Variants in RBFOX1 observed in about 807,000 individuals in gnomAD.
RBFOX1 encodes RNA binding fox-1 homolog 1, also known as RNA binding protein fox-1 homolog 1.
In RBFOX1, 8 loss-of-function variants were observed where a neutral mutation model predicts 57.7. The ratio of observed to expected loss-of-function variants is 0.14; its 90% confidence interval spans 0.08 to 0.25. The LOEUF (loss-of-function observed/expected upper bound fraction) is 0.25. Among genes scored for constraint, RBFOX1 ranks in the 10% least tolerant of loss-of-function variants. The probability of loss-of-function intolerance (pLI) is 1.00; values close to 1 mark genes in which losing one functional copy is unlikely to be tolerated. For synonymous variants in RBFOX1, 326 were observed against 222.4 expected (o/e 1.47, Z -4.15); for missense variants, 611 against 548.5 (o/e 1.11, Z -1.14).
intron 1 of RBFOX1, among the ~76,000 whole-genome samples, chr16:6,150,903 G>T (rs938925469): frequency 2.0e-5 from 3 of 152,156 alleles, no homozygotes; most frequent in Admixed American, 1.3e-4. Context: ...TACATTTTCC[G>T]GCAATTCATT....
intron 4 of RBFOX1, among the ~76,000 whole-genome samples, chr16:5,990,805 C>G (rs565387942): frequency 6.6e-6 from 1 of 152,128 alleles, no homozygotes; most frequent in Non-Finnish European, 1.5e-5. Context: ...GAAAATCCAT[C>G]TCTACTAAAA....
chr16:5,917,848 C>T (rs1294978509), intron 4 of RBFOX1, among the ~76,000 whole-genome samples: 1 of 152,134 alleles, frequency 6.6e-6, no homozygotes, highest in African/African-American at 2.4e-5. Flanking sequence ...CTTCCCATTG[C>T]AGGGTCTAGC....
At chr16:7,327,494 A>G (rs2096626474) in intron 4 of RBFOX1, among the ~76,000 whole-genome samples, 1 of 152,238 alleles carries the variant, frequency 6.6e-6, no homozygotes, top group African/African-American at 2.4e-5. Flanking sequence ...GTATTTTGAA[A>G]TAAACATTGT....
intron 1 of RBFOX1, among the ~76,000 whole-genome samples, chr16:6,255,423 A>G (rs144231896): frequency 3.3e-5 from 5 of 152,208 alleles, no homozygotes; most frequent in African/African-American, 1.2e-4. Context: ...ACAGGAGGAG[A>G]GTGGAGGAAA....
intron 4 of RBFOX1, among the ~76,000 whole-genome samples, chr16:7,355,512 T>A (rs1012529927): frequency 1.3e-5 from 2 of 152,178 alleles, no homozygotes; most frequent in Non-Finnish European, 2.9e-5. Context: ...TAGGTATGTG[T>A]ACAAGGACAC....
intron 1 of RBFOX1, among the ~76,000 whole-genome samples, chr16:5,318,325 T>C (rs1208879390): frequency 2.0e-5 from 3 of 152,002 alleles, no homozygotes; most frequent in Non-Finnish European, 4.4e-5. Context: ...AATGGGGTTT[T>C]GCCATATCGG....
intron 2 of RBFOX1, among the ~76,000 whole-genome samples, chr16:6,354,176 T>G (rs985721507): frequency 6.6e-6 from 1 of 152,032 alleles, no homozygotes; most frequent in Admixed American, 6.6e-5. Context: ...GCCGAGATCA[T>G]GCTAGTGCAC....
intron 3 of RBFOX1, among the ~76,000 whole-genome samples, chr16:5,853,501 C>A (rs2151869140): frequency 6.6e-6 from 1 of 152,264 alleles, no homozygotes; most frequent in South Asian, 2.1e-4. Context: ...ATCGCTGGAC[C>A]ATCCAGCTGC....
chr16:7,664,566 G>A (rs1332692229), intron 12 of RBFOX1, among the ~76,000 whole-genome samples: 2 of 152,072 alleles, frequency 1.3e-5, no homozygotes, highest in African/African-American at 4.8e-5. Context: ...GGGCTATGTG[G>A]TTTGATTGCC....
intron 2 of RBFOX1, among the ~76,000 whole-genome samples, chr16:6,433,342 C>G (rs982377267): frequency 2.6e-5 from 4 of 152,220 alleles, no homozygotes; most frequent in African/African-American, 9.6e-5. Context: ...AATGGAGCCA[C>G]TATTTCAGTT....
At chr16:7,319,379 A>G (rs986216948) in intron 4 of RBFOX1, among the ~76,000 whole-genome samples, 1 of 152,218 alleles carries the variant, frequency 6.6e-6, no homozygotes, top group African/African-American at 2.4e-5. Context: ...AACCAGCTCA[A>G]TAAGTTTACA....
chr16:6,521,135 G>C (rs1269495406), intron 2 of RBFOX1, among the ~76,000 whole-genome samples: 1 of 152,072 alleles, frequency 6.6e-6, no homozygotes, highest in Non-Finnish European at 1.5e-5. Context: ...GCTCAAAATG[G>C]TGTTTTTCTG....
At chr16:6,990,513 G>A (rs1318607208) in intron 3 of RBFOX1, among the ~76,000 whole-genome samples, 3 of 152,022 alleles carry the variant, frequency 2.0e-5, no homozygotes, top group Non-Finnish European at 4.4e-5. Flanking sequence ...CAACAAGAAA[G>A]AAACTCCATC....
intron 2 of RBFOX1, among the ~76,000 whole-genome samples, chr16:6,520,454 C>T (rs1159050763): frequency 6.6e-6 from 1 of 151,982 alleles, no homozygotes; most frequent in Admixed American, 6.6e-5. Flanking sequence ...GTCTGAAGGG[C>T]CTCATTTAAC....
chr16:6,759,351 G>A (rs9930522), intron 3 of RBFOX1, among the ~76,000 whole-genome samples: 64,006 of 151,786 alleles, frequency 0.42, 14,151 homozygotes, highest in Admixed American at 0.5. Flanking sequence ...GTGTTTAGTC[G>A]TGTTGGCCAG....
At position 7,125,181 on chromosome 16, in the gene RBFOX1, T is replaced by C. The variant is rs2068181169; in HGVS notation, c.27+73083T>C. ...GCATGGTGGTGTTAAGTGTAAGGGC[T>C]TGGGGGACGGGCCACACTGTCTTGA... On this transcript the variant is annotated intron_variant, in intron 4 of 15. Coordinates refer to ENST00000550418, the MANE Select transcript of RBFOX1 (RefSeq NM_018723.4). Among the ~76,000 whole-genome samples, 3 of 152,160 alleles carry C rather than the reference T, an allele frequency of 2.0e-5. No individual in the cohort carries two copies. In the South Asian group the frequency reaches 6.2e-4, roughly 32 times the overall value.
At chr16:6,905,098 T>C (rs181613422) in intron 3 of RBFOX1, among the ~76,000 whole-genome samples, 25 of 152,272 alleles carry the variant, frequency 1.6e-4, no homozygotes, top group African/African-American at 5.8e-4. Context: ...GGAGTCAGTG[T>C]TGTTAAAAAA....
At chr16:5,588,522 G>T (rs1274116086) in intron 2 of RBFOX1, among the ~76,000 whole-genome samples, 1 of 152,122 alleles carries the variant, frequency 6.6e-6, no homozygotes, top group East Asian at 1.9e-4. Context: ...AGGCAATCCA[G>T]GCACTTCATC....
chr16:7,403,541 A>C, intron 4 of RBFOX1, among the ~76,000 whole-genome samples: 1 of 147,050 alleles, frequency 6.8e-6, no homozygotes. Context: ...AGGTTCACCC[A>C]TATTATTGCA....
Sources: allele counts gnomAD v4.1 joint callset (sites outside exome capture counted in the v4.1 genomes callset), GRCh38; gene constraint gnomAD v4.1.1; transcripts MANE v1.5; gene names NCBI Gene and HGNC (gene_info 2026-07-23, HGNC 2026-07-21).